Variants in CIMAP1D observed in about 807,000 individuals in gnomAD.
CIMAP1D encodes the protein CIMAP1 family member D, also known as protein CIMAP1D.
chr19:464,325 T>C, the CIMAP1D span: 3 of 1,541,042 alleles, frequency 1.9e-6, no homozygotes, highest in East Asian at 4.9e-5. Flanking sequence ...GGGCACCTTC[T>C]CTGGGCTGTA....
the CIMAP1D span, among the ~76,000 whole-genome samples, chr19:469,585 G>A: frequency 6.6e-6 from 1 of 152,122 alleles, no homozygotes; most frequent in Admixed American, 6.5e-5. Context: ...AGCTACTCAG[G>A]AGGCTGAGGC....
At chr19:478,914 G>A in the CIMAP1D span, among the ~76,000 whole-genome samples, 2 of 152,358 alleles carry the variant, frequency 1.3e-5, no homozygotes, top group East Asian at 1.9e-4. Flanking sequence ...CAGGTGCTGG[G>A]AAAACGGGAG....
chr19:481,234 T>C, the CIMAP1D span, among the ~76,000 whole-genome samples: 1 of 115,206 alleles, frequency 8.7e-6, no homozygotes, highest in Non-Finnish European at 1.7e-5. Flanking sequence ...GGAAGGATGA[T>C]GGGAAGGATG....
chr19:486,066 G>C, the CIMAP1D span, among the ~76,000 whole-genome samples: 2 of 152,344 alleles, frequency 1.3e-5, no homozygotes, highest in Admixed American at 1.3e-4. Context: ...CATCCAGAGA[G>C]AGCCTGCTGT....
the CIMAP1D span, chr19:463,806 G>C: frequency 2.0e-6 from 3 of 1,470,010 alleles, no homozygotes; most frequent in South Asian, 1.2e-5. Flanking sequence ...GGAGAGGCCC[G>C]CCAGCCCCCC....
chr19:488,877 C>T, the CIMAP1D span, among the ~76,000 whole-genome samples: 1 of 152,146 alleles, frequency 6.6e-6, no homozygotes, highest in African/African-American at 2.4e-5. Flanking sequence ...GTGCCGGGCC[C>T]CACGCAAGGG....
the CIMAP1D span, among the ~76,000 whole-genome samples, chr19:487,280 G>C: frequency 1.3e-5 from 2 of 152,282 alleles, no homozygotes; most frequent in South Asian, 4.1e-4. Context: ...AGGGGGCGGC[G>C]TGCGCTGCAA....
chr19:463,980 G>T, the CIMAP1D span: 3 of 1,610,492 alleles, frequency 1.9e-6, no homozygotes, highest in Non-Finnish European at 2.5e-6. Context: ...GACCTGCTCT[G>T]GGCAGTGGGC....
chr19:466,672 G>A, the CIMAP1D span, among the ~76,000 whole-genome samples: 4 of 146,716 alleles, frequency 2.7e-5, no homozygotes, highest in African/African-American at 1.0e-4. Flanking sequence ...GTGGGTGGAT[G>A]GATGAGTGGA....
chr19:469,848 G>A, the CIMAP1D span, among the ~76,000 whole-genome samples: 27 of 152,058 alleles, frequency 1.8e-4, no homozygotes, highest in Non-Finnish European at 3.2e-4. Context: ...ACTGACCTTG[G>A]CCTCTACCCT....
the CIMAP1D span, among the ~76,000 whole-genome samples, chr19:478,475 G>A: frequency 2.6e-5 from 4 of 152,274 alleles, no homozygotes; most frequent in African/African-American, 4.8e-5. Flanking sequence ...GTTGCTGGGA[G>A]GACGCTGAGG....
chr19:467,657 T>C, the CIMAP1D span: 2 of 1,611,002 alleles, frequency 1.2e-6, no homozygotes, highest in Middle Eastern at 1.7e-4. Flanking sequence ...ACCCCGAGAC[T>C]TGGCCCGGCC....
chr19:484,075 G>A, the CIMAP1D span, among the ~76,000 whole-genome samples: 3,532 of 151,724 alleles, frequency 0.023, 103 homozygotes, highest in East Asian at 0.074. Context: ...CGGAACAACC[G>A]CAAATAATGC....
the CIMAP1D span, among the ~76,000 whole-genome samples, chr19:468,276 G>A: frequency 6.6e-6 from 1 of 152,116 alleles, no homozygotes; most frequent in Non-Finnish European, 1.5e-5. Context: ...TGAAGGGGGA[G>A]GATCACTTGA....
chr19:463,605 G>A, the CIMAP1D span: 17 of 597,684 alleles, frequency 2.8e-5, no homozygotes, highest in African/African-American at 9.7e-5. Context: ...CTGGCCTGGC[G>A]TGACCTGGAA....
chr19:477,201 A>C, the CIMAP1D span, among the ~76,000 whole-genome samples: 1 of 152,176 alleles, frequency 6.6e-6, no homozygotes, highest in African/African-American at 2.4e-5. Context: ...GTTTCCACCT[A>C]AGAAGCTAGG....
At chr19:479,250 A>C in the CIMAP1D span, among the ~76,000 whole-genome samples, 4 of 152,320 alleles carry the variant, frequency 2.6e-5, no homozygotes, top group East Asian at 5.8e-4. Flanking sequence ...CGTCAGTAAC[A>C]ATATGAACCT....
the CIMAP1D span, among the ~76,000 whole-genome samples, chr19:482,863 C>T: frequency 1.3e-5 from 2 of 152,306 alleles, no homozygotes; most frequent in South Asian, 2.1e-4. Flanking sequence ...CGCCCCTCGA[C>T]GGGCACCGAG....
the CIMAP1D span, among the ~76,000 whole-genome samples, chr19:488,276 T>C: frequency 0.021 from 3,119 of 151,382 alleles, 80 homozygotes; most frequent in South Asian, 0.095. Context: ...TAATCCCAGC[T>C]CCTCGGGAGG....
Sources: gnomAD v4.1 joint callset for allele counts (sites outside exome capture counted in the v4.1 genomes callset) on GRCh38, gnomAD v4.1.1 for gene constraint, MANE v1.5 for transcripts, NCBI Gene and HGNC (gene_info 2026-07-23, HGNC 2026-07-21) for gene names.